Variants in MAP3K7CL observed in about 807,000 individuals in gnomAD.
MAP3K7CL encodes the protein MAP3K7 C-terminal like.
MAP3K7CL carries 16 observed loss-of-function variants against 18.6 expected under a neutral mutation model. The ratio of observed to expected loss-of-function variants is 0.86; its 90% CI spans 0.58 to 1.31. The LOEUF (loss-of-function observed/expected upper bound fraction) is 1.31. MAP3K7CL is among the 50% of genes most tolerant of loss of function. The pLI, the probability that MAP3K7CL is intolerant of heterozygous loss-of-function variation, is 0.00. For synonymous variants in MAP3K7CL, 65 were observed against 66.8 expected, an observed-to-expected ratio of 0.97 and a Z score of 0.13; for missense variants, 163 against 174.4, an observed-to-expected ratio of 0.93 and a Z score of 0.37.
chr21:29,122,853 A>G (rs2086618626), intron 4 of MAP3K7CL, among the ~76,000 whole-genome samples: 1 of 151,992 alleles, frequency 6.6e-6, no homozygotes, highest in Non-Finnish European at 1.5e-5. Context: ...GCCCTCTTCT[A>G]CCCAGTATTT....
chr21:29,091,359 T>A, intron 1 of MAP3K7CL: 6 of 531,164 alleles, frequency 1.1e-5, no homozygotes, highest in Non-Finnish European at 1.3e-5. Context: ...AAAAATAGAA[T>A]GTTTTTAGCC....
intron 4 of MAP3K7CL, among the ~76,000 whole-genome samples, chr21:29,114,318 C>A (rs373022759): frequency 7.7e-6 from 1 of 130,166 alleles, no homozygotes; most frequent in Non-Finnish European, 1.7e-5. Context: ...ATCTGCCCAC[C>A]TCGGCATCCC....
chr21:29,164,164 A>G (rs192914535), intron 4 of MAP3K7CL, among the ~76,000 whole-genome samples: 1 of 152,002 alleles, frequency 6.6e-6, no homozygotes, highest in East Asian at 1.9e-4. Context: ...TCTTATATTT[A>G]TAAATACATG....
intron 4 of MAP3K7CL, among the ~76,000 whole-genome samples, chr21:29,100,653 T>C (rs994525932): frequency 6.6e-6 from 1 of 152,032 alleles, no homozygotes; most frequent in Non-Finnish European, 1.5e-5. Context: ...TAGTTATCTA[T>C]TACGGTGTTA....
chr21:29,092,381 G>T, intron 3 of MAP3K7CL: 1 of 1,592,826 alleles, frequency 6.3e-7, no homozygotes, highest in African/African-American at 1.3e-5. Context: ...ACATCAAAAG[G>T]TCTGTGCGGG....
chr21:29,105,706 G>A (rs1273402078), intron 4 of MAP3K7CL, among the ~76,000 whole-genome samples: 1 of 152,146 alleles, frequency 6.6e-6, no homozygotes, highest in Non-Finnish European at 1.5e-5. Flanking sequence ...CGTCTTAGAA[G>A]CTCTGTGTGG....
intron 4 of MAP3K7CL, among the ~76,000 whole-genome samples, chr21:29,163,668 C>G (rs1203863564): frequency 6.7e-6 from 1 of 149,976 alleles, no homozygotes; most frequent in Non-Finnish European, 1.5e-5. Context: ...ACACCAAGCT[C>G]TTGGCCTAAC....
chr21:29,116,981 T>C (rs1463012997), intron 4 of MAP3K7CL, among the ~76,000 whole-genome samples: 1 of 152,206 alleles, frequency 6.6e-6, no homozygotes, highest in Non-Finnish European at 1.5e-5. Flanking sequence ...ATTTGGCAAC[T>C]GGTGAAATAT....
intron 3 of MAP3K7CL, among the ~76,000 whole-genome samples, chr21:29,154,887 T>A (rs1347624966): frequency 2.0e-5 from 3 of 152,204 alleles, no homozygotes; most frequent in Non-Finnish European, 4.4e-5. Context: ...TGCCTTTAAT[T>A]TTTTGTTTGT....
chr21:29,170,315 T>G lies in MAP3K7CL; in HGVS notation c.249-4397T>G, dbSNP rs369574337. ...TGGGTTCCAGTAAAGAAGAAATTAT[T>G]ATTGACTTTCTCCAATGCAAGATCA... On this transcript the variant is annotated intron_variant, in intron 4 of 4. Transcript: ENST00000399928. Among the ~76,000 whole-genome samples the G allele has an allele frequency of 1.8e-3, 275 of 152,342 alleles. 3 individuals carry two copies. The highest frequency in any genetic ancestry group is 6.0e-3 in the African/African-American group (250 of 41,570).
Position 29,171,451 on chromosome 21 carries a change from C to G in MAP3K7CL, c.249-3261C>G, listed in dbSNP as rs138513371. Among the ~76,000 whole-genome samples, 213 of 152,318 alleles carry G rather than the reference C, an allele frequency of 1.4e-3. 1 individual carries two copies. The highest frequency in any genetic ancestry group is 2.7e-3 in the Non-Finnish European group (181 of 68,032). Reference sequence around the variant, plus strand: ...ATACTAGAACTTTTATCCTTATTTACTCCTTGTCTTTTTTTCAGGATAACT... The same window carrying G: ...ATACTAGAACTTTTATCCTTATTTAGTCCTTGTCTTTTTTTCAGGATAACT... On this transcript the variant is annotated intron_variant, in intron 4 of 4. Coordinates refer to ENST00000399928, the MANE Select transcript of MAP3K7CL (RefSeq NM_001286620.2).
At chr21:29,139,607 C>T (rs1010217317) in intron 2 of MAP3K7CL, among the ~76,000 whole-genome samples, 3 of 151,450 alleles carry the variant, frequency 2.0e-5, no homozygotes, top group East Asian at 1.9e-4. Context: ...TTTTTTGAGA[C>T]GGAGTCTCAC....
chr21:29,163,864 TAAA>T (rs1187122872), intron 4 of MAP3K7CL, among the ~76,000 whole-genome samples: 1 of 151,826 alleles, frequency 6.6e-6, no homozygotes, highest in African/African-American at 2.4e-5. Context: ...CCCAGTTAAT[TAAA>T]AAAATTTTTT....
At chr21:29,160,661 T>C in intron 4 of MAP3K7CL, among the ~76,000 whole-genome samples, 1 of 152,216 alleles carries the variant, frequency 6.6e-6, no homozygotes, top group East Asian at 1.9e-4. Context: ...TCCCATTCTT[T>C]TATACTTGCA....
chr21:29,136,536 T>G (rs1223730256), intron 2 of MAP3K7CL, among the ~76,000 whole-genome samples: 1 of 133,270 alleles, frequency 7.5e-6, no homozygotes, highest in East Asian at 2.1e-4. Flanking sequence ...TATTTTATTT[T>G]TTTTTTGAGA....
chr21:29,153,923 G>T (rs527261651), intron 3 of MAP3K7CL, among the ~76,000 whole-genome samples: 1 of 152,140 alleles, frequency 6.6e-6, no homozygotes, highest in Non-Finnish European at 1.5e-5. Context: ...CCAAAACTAT[G>T]CTATAACGTG....
intron 4 of MAP3K7CL, among the ~76,000 whole-genome samples, chr21:29,172,809 A>G (rs1471293399): frequency 1.3e-5 from 2 of 151,804 alleles, no homozygotes; most frequent in Non-Finnish European, 2.9e-5. Context: ...TTATTGAAAC[A>G]TTACAGGTTG....
At chr21:29,173,074 A>G (rs2087881823) in intron 4 of MAP3K7CL, among the ~76,000 whole-genome samples, 1 of 152,184 alleles carries the variant, frequency 6.6e-6, no homozygotes, top group South Asian at 2.1e-4. Context: ...TGCTAAAGCA[A>G]TGTTATTACT....
chr21:29,103,457 G>C (rs1010039331), intron 4 of MAP3K7CL, among the ~76,000 whole-genome samples: 2 of 151,922 alleles, frequency 1.3e-5, no homozygotes, highest in Non-Finnish European at 2.9e-5. Flanking sequence ...ACAGTCAGAC[G>C]CGGTGGCTCA....
Sources: gnomAD v4.1 joint callset for allele counts (sites outside exome capture counted in the v4.1 genomes callset) on GRCh38, gnomAD v4.1.1 for gene constraint, MANE v1.5 for transcripts, NCBI Gene and HGNC (gene_info 2026-07-23, HGNC 2026-07-21) for gene names.